Variants in EFCAB11 observed in about 807,000 individuals in gnomAD.
EFCAB11 encodes EF-hand calcium-binding domain-containing protein 11.
EFCAB11 carries 14 observed loss-of-function variants against 23.0 expected under a neutral mutation model. The observed-to-expected ratio is 0.61, with a 90% CI of 0.40 to 0.95. The LOEUF is 0.95. EFCAB11 is among the 40% of genes least tolerant of loss of function. The pLI, the probability that EFCAB11 is intolerant of heterozygous loss-of-function variation, is 0.00. For missense variants in EFCAB11, 198 were observed against 195.8 expected, an observed-to-expected ratio of 1.01 and a Z score of -0.07; for synonymous variants, 65 against 66.6, an observed-to-expected ratio of 0.98 and a Z score of 0.11.
intron 5 of EFCAB11, chr14:89,923,625 G>C (rs2281749): frequency 0.13 from 116,669 of 910,306 alleles, 8,848 homozygotes; most frequent in South Asian, 0.31. Context: ...AATATGATTT[G>C]TAGGTGTTTT....
At chr14:89,880,301 C>G (rs141362041) in intron 5 of EFCAB11, among the ~76,000 whole-genome samples, 1 of 152,254 alleles carries the variant, frequency 6.6e-6, no homozygotes, top group African/African-American at 2.4e-5. Context: ...GGAACAGGCC[C>G]TAACCAGACA....
At chr14:89,799,957 G>A (rs571604636) in intron 5 of EFCAB11, among the ~76,000 whole-genome samples, 12 of 152,198 alleles carry the variant, frequency 7.9e-5, no homozygotes, top group South Asian at 6.2e-4. Context: ...AGGCCCAGGC[G>A]GGTGGATCAC....
intron 5 of EFCAB11, among the ~76,000 whole-genome samples, chr14:89,888,408 C>T (rs150974268): frequency 7.0e-4 from 107 of 152,284 alleles, no homozygotes; most frequent in African/African-American, 2.1e-3. Context: ...GGAAGCATGG[C>T]GTTGGCATCT....
Position 89,892,062 on chromosome 14 carries a change from T to C in EFCAB11, c.410+39479A>G, listed in dbSNP as rs547653469. 9.6e-4 allele frequency: 1,486 copies of C among 1,541,118 alleles called. 4 individuals carry two copies. The highest frequency in any genetic ancestry group is 1.2e-3 in the Non-Finnish European group (1,374 of 1,140,856). On this transcript the variant is annotated intron_variant, in intron 5 of 5. Transcript: ENST00000316738. ...TTTTACCGGAATGTGGTGGGTGTCC[T>C]GCTGGTCTTTGATGTGACAAACAGG...
intron 5 of EFCAB11, among the ~76,000 whole-genome samples, chr14:89,827,595 A>G (rs376811407): frequency 4.8e-5 from 7 of 147,224 alleles, no homozygotes; most frequent in Admixed American, 1.3e-4. Context: ...TGCTTTTTCC[A>G]TGACCATGTT....
intron 5 of EFCAB11, among the ~76,000 whole-genome samples, chr14:89,849,084 G>A (rs1033489462): frequency 1.2e-4 from 18 of 152,110 alleles, no homozygotes; most frequent in African/African-American, 4.1e-4. Flanking sequence ...ATATCCAACT[G>A]TAGGCTATTA....
chr14:89,867,243 T>C (rs1005143252), intron 5 of EFCAB11, among the ~76,000 whole-genome samples: 1 of 152,214 alleles, frequency 6.6e-6, no homozygotes, highest in Non-Finnish European at 1.5e-5. Flanking sequence ...TCTTGTTTTT[T>C]AGTCAGCGAC....
intron 1 of EFCAB11, 119 bp downstream of exon 1, chr14:89,954,467 G>T: frequency 6.5e-7 from 1 of 1,540,186 alleles, no homozygotes; most frequent in Non-Finnish European, 8.7e-7. Flanking sequence ...ACGACCCTTT[G>T]GACAGGCAGC....
At chr14:89,825,089 T>G (rs1596384677) in intron 5 of EFCAB11, among the ~76,000 whole-genome samples, 1 of 112,608 alleles carries the variant, frequency 8.9e-6, no homozygotes, top group Non-Finnish European at 1.7e-5. Flanking sequence ...TTTACCAAGA[T>G]AGATGCTGGG....
At chr14:89,919,250 T>C (rs537848594) in intron 5 of EFCAB11, among the ~76,000 whole-genome samples, 13 of 152,124 alleles carry the variant, frequency 8.5e-5, no homozygotes, top group Admixed American at 1.3e-4. Context: ...CTGTGGAATG[T>C]ATGATGGGGA....
chr14:89,875,341 C>T (rs1293494478), intron 5 of EFCAB11, among the ~76,000 whole-genome samples: 1 of 152,158 alleles, frequency 6.6e-6, no homozygotes, highest in Non-Finnish European at 1.5e-5. Flanking sequence ...CACTGGGTCC[C>T]TCCCATGACA....
At chr14:89,888,915 T>G (rs1287850078) in intron 5 of EFCAB11, among the ~76,000 whole-genome samples, 1 of 152,244 alleles carries the variant, frequency 6.6e-6, no homozygotes. Flanking sequence ...GCTGTGATAC[T>G]GTCTCTGTTT....
rs1891214806 is a variant in EFCAB11 at position 89,952,694 on chromosome 14, G to A, written c.171+1212C>T. The A allele has an allele frequency of 6.1e-6, 5 of 823,068 alleles. 1 individual carries two copies. The South Asian group carries it at 2.8e-4, about 45-fold the overall frequency. 51.0% of individuals were successfully genotyped at this position (823,068 alleles called of 1,614,324 possible). A position where few individuals can be genotyped will look rare whatever the true frequency, so the allele number is the denominator to read the frequency against. On this transcript the variant is annotated intron_variant, in intron 2 of 5. Coordinates refer to ENST00000316738, the MANE Select transcript of EFCAB11 (RefSeq NM_145231.4). ...ATGTTCTGTTGACACAAATAGGGCG[G>A]AGAGGCATGACATCACAGGGTCCCT...
chr14:89,929,131 C>T (rs1011582627), intron 5 of EFCAB11, among the ~76,000 whole-genome samples: 15 of 148,534 alleles, frequency 1.0e-4, no homozygotes, highest in Non-Finnish European at 1.8e-4. Context: ...ACTGCAGCCT[C>T]GAACTTCTGG....
intron 5 of EFCAB11, among the ~76,000 whole-genome samples, chr14:89,814,845 A>T (rs1485846800): frequency 6.6e-6 from 1 of 152,130 alleles, no homozygotes; most frequent in Non-Finnish European, 1.5e-5. Flanking sequence ...CCAGCTAATA[A>T]CTCTGGGCTT....
At chr14:89,915,388 T>G (rs1596451295) in intron 5 of EFCAB11, among the ~76,000 whole-genome samples, 1 of 152,218 alleles carries the variant, frequency 6.6e-6, no homozygotes, top group Non-Finnish European at 1.5e-5. Flanking sequence ...AAAATAACGC[T>G]TATTAAGAAA....
chr14:89,900,043 C>G (rs1468591044), intron 5 of EFCAB11, among the ~76,000 whole-genome samples: 3 of 152,170 alleles, frequency 2.0e-5, no homozygotes, highest in Non-Finnish European at 4.4e-5. Context: ...CTATCTATTA[C>G]TCTCTTGCAC....
chr14:89,925,693 TG>T (rs1379911424), intron 5 of EFCAB11, among the ~76,000 whole-genome samples: 1 of 146,888 alleles, frequency 6.8e-6, no homozygotes, highest in African/African-American at 2.5e-5. Context: ...TCACCCAGGC[TG>T]GAGTGCAATG....
intron 5 of EFCAB11, among the ~76,000 whole-genome samples, chr14:89,916,184 A>G (rs34452050): frequency 1.3e-5 from 2 of 151,378 alleles, no homozygotes; most frequent in Non-Finnish European, 2.9e-5. Context: ...AAAGAAAAAA[A>G]CAACAAATTT....
Sources: gnomAD v4.1 joint callset for allele counts (sites outside exome capture counted in the v4.1 genomes callset) on GRCh38, gnomAD v4.1.1 for gene constraint, MANE v1.5 for transcripts, NCBI Gene and HGNC (gene_info 2026-07-23, HGNC 2026-07-21) for gene names.